The following TANC1 variants were observed in gnomAD, a reference collection of about 807,000 sequenced individuals.
TANC1 encodes the protein tetratricopeptide repeat, ankyrin repeat and coiled-coil containing 1.
A neutral mutation model predicts 149.7 loss-of-function variants in TANC1; 77 were observed. The observed-to-expected ratio is 0.51, with a 90% CI of 0.43 to 0.62. The LOEUF (loss-of-function observed/expected upper bound fraction) is 0.62. TANC1 is among the 20% of genes least tolerant of loss of function. The probability of loss-of-function intolerance (pLI) is 0.00; values close to 1 mark genes in which losing one functional copy is unlikely to be tolerated. For missense variants in TANC1, 1,985 were observed against 2,321.8 expected (o/e 0.85, Z 2.98); for synonymous variants, 854 against 925.0 (o/e 0.92, Z 1.39).
At chr2:159,161,118 C>A (rs1055221070) in intron 7 of TANC1, among the ~76,000 whole-genome samples, 1 of 152,194 alleles carries the variant, frequency 6.6e-6, no homozygotes, top group South Asian at 2.1e-4. Context: ...TCCCTGAGGT[C>A]CTGATTGCAG....
intron 5 of TANC1, among the ~76,000 whole-genome samples, chr2:159,145,695 C>G (rs1574951159): frequency 1.3e-5 from 2 of 152,324 alleles, no homozygotes; most frequent in East Asian, 3.9e-4. Context: ...TAGAGGCAGT[C>G]AGAAGTGATT....
intron 24 of TANC1, 66 bp downstream of exon 24, chr2:159,225,845 T>C: frequency 8.6e-7 from 1 of 1,163,042 alleles, no homozygotes; most frequent in South Asian, 1.3e-5. Flanking sequence ...ATTGGGTACA[T>C]AATGGCTACA....
chr2:159,172,131 C>T lies in TANC1; in HGVS notation c.1362C>T (p.Pro454=), dbSNP rs1326173288. 1.2e-6 allele frequency: 2 copies of T among 1,614,018 alleles called. No individual in the cohort carries two copies. Among genetic ancestry groups the T allele is most frequent in the African/African-American group, 1.3e-5 (1 of 74,934 alleles). ...GGTCTTTCTCTGCAGCCTCTGACCC[C>T]ACTCAGGATCTTCATTTCACTCCGT... The part of the protein sequence containing the change: ...SPGSSPKTSD[P]TQDLHFTPLL... The change falls in exon 11 of 27, where the codon CCC becomes CCT. Residue 454 remains proline, a synonymous_variant. Transcript: ENST00000263635.
intron 1 of TANC1, among the ~76,000 whole-genome samples, chr2:158,983,214 C>T (rs954345866): frequency 6.6e-6 from 1 of 152,024 alleles, no homozygotes; most frequent in Non-Finnish European, 1.5e-5. Context: ...CGCCTGTAAT[C>T]CCAGCACTTT....
At chr2:159,229,190 A>C (rs923321735) in intron 26 of TANC1, among the ~76,000 whole-genome samples, 2 of 152,126 alleles carry the variant, frequency 1.3e-5, no homozygotes, top group Non-Finnish European at 2.9e-5. Flanking sequence ...TATTTCAAGG[A>C]AACTGCCAAC....
intron 1 of TANC1, among the ~76,000 whole-genome samples, chr2:158,971,235 G>GTGGATTATATAATCCATATTAT (rs1559084395): frequency 6.6e-6 from 1 of 152,154 alleles, no homozygotes; most frequent in African/African-American, 2.4e-5. Context: ...CAGCATCCCT[G>GTGGATTATATAATCCATATTAT]AGCCAGTGGA....
At chr2:159,116,747 A>G (rs988399177) in intron 4 of TANC1, among the ~76,000 whole-genome samples, 1 of 152,194 alleles carries the variant, frequency 6.6e-6, no homozygotes, top group Admixed American at 6.5e-5. Flanking sequence ...CTTTTGTCTC[A>G]GGAAAGGAAA....
At chr2:159,047,286 A>G (rs1458494828) in intron 2 of TANC1, among the ~76,000 whole-genome samples, 1 of 147,774 alleles carries the variant, frequency 6.8e-6, no homozygotes, top group African/African-American at 2.5e-5. Context: ...ACTACTTTCT[A>G]CCCTGTCACT....
At chr2:158,991,763 A>G (rs1218032553) in intron 1 of TANC1, among the ~76,000 whole-genome samples, 2 of 152,198 alleles carry the variant, frequency 1.3e-5, no homozygotes, top group East Asian at 1.9e-4. Flanking sequence ...AAAGAAAGAA[A>G]GAAAATATTG....
At chr2:158,979,272 T>A (rs902480195) in intron 1 of TANC1, among the ~76,000 whole-genome samples, 1 of 152,110 alleles carries the variant, frequency 6.6e-6, no homozygotes, top group African/African-American at 2.4e-5. Flanking sequence ...GAGGATCTCT[T>A]GAGCCAAGGA....
intron 4 of TANC1, among the ~76,000 whole-genome samples, chr2:159,100,627 G>T (rs1415381154): frequency 6.6e-6 from 1 of 152,182 alleles, no homozygotes; most frequent in African/African-American, 2.4e-5. Context: ...CTCTAACGGA[G>T]CAGTGCTTGT....
intron 2 of TANC1, among the ~76,000 whole-genome samples, chr2:159,027,499 C>A (rs1377876109): frequency 2.0e-5 from 3 of 152,182 alleles, no homozygotes; most frequent in Admixed American, 2.0e-4. Context: ...CAAATTTCTA[C>A]CAACATTTTG....
chr2:159,137,370 A>T (rs910593593), intron 5 of TANC1, among the ~76,000 whole-genome samples: 1 of 152,120 alleles, frequency 6.6e-6, no homozygotes, highest in Non-Finnish European at 1.5e-5. Context: ...AGGGAAGGGG[A>T]GTTTGGGACA....
intron 8 of TANC1, among the ~76,000 whole-genome samples, chr2:159,164,993 C>G (rs2054436786): frequency 6.6e-6 from 1 of 152,186 alleles, no homozygotes; most frequent in Non-Finnish European, 1.5e-5. Context: ...ATGTGGCACC[C>G]AAGGCGCTTT....
At chr2:159,091,952 C>A (rs2045585090) in intron 3 of TANC1, among the ~76,000 whole-genome samples, 1 of 128,356 alleles carries the variant, frequency 7.8e-6, no homozygotes, top group Admixed American at 8.2e-5. Flanking sequence ...TTTCAGTTTT[C>A]TGTAAATATA....
intron 2 of TANC1, among the ~76,000 whole-genome samples, chr2:159,003,189 G>A (rs1045584717): frequency 1.3e-5 from 2 of 152,204 alleles, no homozygotes; most frequent in Non-Finnish European, 2.9e-5. Context: ...GCTCACTGGT[G>A]CCAAATTCAG....
chr2:159,085,012 G>A (rs2044689715), intron 3 of TANC1, among the ~76,000 whole-genome samples: 1 of 152,166 alleles, frequency 6.6e-6, no homozygotes, highest in Non-Finnish European at 1.5e-5. Context: ...CATTTTAAAT[G>A]GAATGGGGTG....
At chr2:159,173,698 G>C (rs1046717219) in intron 11 of TANC1, among the ~76,000 whole-genome samples, 3 of 152,154 alleles carry the variant, frequency 2.0e-5, no homozygotes, top group Non-Finnish European at 4.4e-5. Flanking sequence ...TGTGGTACTG[G>C]ACATCTCATG....
intron 3 of TANC1, among the ~76,000 whole-genome samples, chr2:159,096,335 ACT>A (rs1166186587): frequency 7.1e-6 from 1 of 141,178 alleles, no homozygotes; most frequent in African/African-American, 2.6e-5. Context: ...CAGCCAAGAT[ACT>A]CTTTCTTGTA....
Sources: gnomAD v4.1 joint callset for allele counts (sites outside exome capture counted in the v4.1 genomes callset) on GRCh38, gnomAD v4.1.1 for gene constraint, MANE v1.5 for transcripts, NCBI Gene and HGNC (gene_info 2026-07-23, HGNC 2026-07-21) for gene names.